HS6ST3: variants seen among roughly 807,000 people sequenced by gnomAD.
HS6ST3 encodes the protein heparan sulfate 6-O-sulfotransferase 3.
Under a neutral mutation model 36.7 loss-of-function variants are expected in HS6ST3, and 12 were observed. The ratio of observed to expected loss-of-function variants is 0.33; its 90% confidence interval spans 0.21 to 0.53. The LOEUF (loss-of-function observed/expected upper bound fraction) is 0.53, where lower values mean the gene tolerates loss of function less well. Ranked by LOEUF, HS6ST3 falls within the 20% of genes least tolerant of loss-of-function variation. The pLI is 0.95. For synonymous variants in HS6ST3, 240 were observed against 257.5 expected, an observed-to-expected ratio of 0.93 and a Z score of 0.65; for missense variants, 584 against 640.9, an observed-to-expected ratio of 0.91 and a Z score of 0.96.
intron 1 of HS6ST3, among the ~76,000 whole-genome samples, chr13:96,410,406 T>A (rs917651668): frequency 6.6e-6 from 1 of 152,144 alleles, no homozygotes; most frequent in Admixed American, 6.5e-5. Context: ...CTCACTGATA[T>A]TCAAAGAAAT....
At chr13:96,245,325 C>T (rs1219850358) in intron 1 of HS6ST3, among the ~76,000 whole-genome samples, 2 of 152,154 alleles carry the variant, frequency 1.3e-5, no homozygotes, top group East Asian at 1.9e-4. Flanking sequence ...AAGTGAGTTA[C>T]AGAAGAGTAC....
intron 1 of HS6ST3, among the ~76,000 whole-genome samples, chr13:96,689,606 C>CTTTTTTTTTTTTTTTTTTTT (rs34000071): frequency 1.1e-4 from 11 of 101,208 alleles, no homozygotes; most frequent in South Asian, 3.6e-4. Flanking sequence ...TTCTTTCTTT[C>CTTTTTTTTTTTTTTTTTTTT]TTTTTTTTTT....
At chr13:96,606,981 A>G (rs914228373) in intron 1 of HS6ST3, among the ~76,000 whole-genome samples, 1 of 152,178 alleles carries the variant, frequency 6.6e-6, no homozygotes, top group Non-Finnish European at 1.5e-5. Flanking sequence ...AAAGAAATTG[A>G]ATATATGATA....
intron 1 of HS6ST3, among the ~76,000 whole-genome samples, chr13:96,417,588 A>ATG (rs1378399011): frequency 6.0e-4 from 48 of 80,026 alleles, no homozygotes; most frequent in African/African-American, 2.1e-3. Context: ...TAGCATATAT[A>ATG]TATGTGTGTG....
intron 1 of HS6ST3, among the ~76,000 whole-genome samples, chr13:96,132,762 C>T (rs1184262452): frequency 1.3e-5 from 2 of 152,130 alleles, no homozygotes; most frequent in African/African-American, 4.8e-5. Context: ...GTCCCTTTTT[C>T]TCCACATTCT....
intron 1 of HS6ST3, among the ~76,000 whole-genome samples, chr13:96,367,928 G>C (rs1043461127): frequency 1.3e-5 from 2 of 152,108 alleles, no homozygotes; most frequent in South Asian, 2.1e-4. Context: ...AGTTTCTTTT[G>C]ATAGCTCAAT....
chr13:96,404,287 T>C (rs1176475212), intron 1 of HS6ST3, among the ~76,000 whole-genome samples: 2 of 152,134 alleles, frequency 1.3e-5, no homozygotes, highest in Non-Finnish European at 2.9e-5. Context: ...GTTCAGTGCC[T>C]TATATGCCCG....
intron 1 of HS6ST3, among the ~76,000 whole-genome samples, chr13:96,819,723 C>T (rs1025436078): frequency 7.2e-5 from 11 of 152,038 alleles, no homozygotes; most frequent in Non-Finnish European, 1.2e-4. Context: ...AAAAGAAGTC[C>T]CAGCTCTACT....
chr13:96,194,364 A>G (rs1268865292), intron 1 of HS6ST3, among the ~76,000 whole-genome samples: 2 of 152,138 alleles, frequency 1.3e-5, no homozygotes, highest in Non-Finnish European at 2.9e-5. Flanking sequence ...TAGATAAATT[A>G]TCGTCAATTA....
chr13:96,149,982 G>T (rs920913385), intron 1 of HS6ST3, among the ~76,000 whole-genome samples: 1 of 152,172 alleles, frequency 6.6e-6, no homozygotes, highest in Non-Finnish European at 1.5e-5. Flanking sequence ...GTTGGTGAGC[G>T]GGACGGAGGG....
chr13:96,094,380 A>G (rs757447776), intron 1 of HS6ST3, among the ~76,000 whole-genome samples: 7 of 152,168 alleles, frequency 4.6e-5, no homozygotes, highest in Admixed American at 1.3e-4. Context: ...CCTTCTTCCT[A>G]AAAAACCATG....
chr13:96,687,744 A>G (rs912353202), intron 1 of HS6ST3, among the ~76,000 whole-genome samples: 11 of 151,956 alleles, frequency 7.2e-5, no homozygotes, highest in Admixed American at 1.3e-4. Context: ...GGGATTGTTA[A>G]GGATTGAGAC....
At chr13:96,469,856 T>TA (rs2055832497) in intron 1 of HS6ST3, among the ~76,000 whole-genome samples, 1 of 152,114 alleles carries the variant, frequency 6.6e-6, no homozygotes, top group African/African-American at 2.4e-5. Context: ...ACGTGACTGG[T>TA]ACAACACTTA....
At chr13:96,584,325 GT>G (rs2056353055) in intron 1 of HS6ST3, among the ~76,000 whole-genome samples, 1 of 151,986 alleles carries the variant, frequency 6.6e-6, no homozygotes, top group Admixed American at 6.5e-5. Context: ...TGTATTTTTA[GT>G]AGAGATGGGG....
Position 96,780,743 on chromosome 13 carries a change from A to G in HS6ST3, c.708-51747A>G, listed in dbSNP as rs138198696. Among the ~76,000 whole-genome samples, 45 of 152,118 alleles carry G rather than the reference A, an allele frequency of 3.0e-4. 1 individual carries two copies. In the South Asian group the frequency reaches 3.1e-3, roughly 11 times the overall value. On this transcript the variant is annotated intron_variant, in intron 1 of 1. Coordinates refer to ENST00000376705, the MANE Select transcript of HS6ST3 (RefSeq NM_153456.4). The stretch of plus-strand genomic sequence containing the variant: ...GTTAAAGCCTCTGCCTCCTTCTTAT[A>G]TGTGTATAGCAGGCAGAAGATAGAG...
intron 1 of HS6ST3, among the ~76,000 whole-genome samples, chr13:96,476,662 A>T (rs1006329000): frequency 6.6e-6 from 1 of 152,012 alleles, no homozygotes; most frequent in Non-Finnish European, 1.5e-5. Context: ...CGCCTGGCCG[A>T]GACAGTTTTC....
chr13:96,099,825 CG>C (rs2053809280), intron 1 of HS6ST3, among the ~76,000 whole-genome samples: 1 of 152,106 alleles, frequency 6.6e-6, no homozygotes, highest in Non-Finnish European at 1.5e-5. Flanking sequence ...GATATTTAAG[CG>C]TAAACCTGAG....
intron 1 of HS6ST3, among the ~76,000 whole-genome samples, chr13:96,369,087 G>A (rs2055277114): frequency 6.6e-6 from 1 of 151,508 alleles, no homozygotes; most frequent in Admixed American, 6.6e-5. Context: ...TGGGGAGGGT[G>A]GGTGTGAGAG....
intron 1 of HS6ST3, among the ~76,000 whole-genome samples, chr13:96,723,341 T>C (rs906223338): frequency 6.6e-6 from 1 of 152,130 alleles, no homozygotes; most frequent in Non-Finnish European, 1.5e-5. Flanking sequence ...ACCCCTGGAC[T>C]GTGATGAAGA....
Sources: allele counts gnomAD v4.1 joint callset (sites outside exome capture counted in the v4.1 genomes callset), GRCh38; gene constraint gnomAD v4.1.1; transcripts MANE v1.5; gene names NCBI Gene and HGNC (gene_info 2026-07-23, HGNC 2026-07-21).